Variants in NLGN1 observed in about 807,000 individuals in gnomAD.
The protein encoded by NLGN1 is neuroligin-1.
A neutral mutation model predicts 65.5 loss-of-function variants in NLGN1; 12 were observed. The ratio of observed to expected loss-of-function variants is 0.18; its 90% CI spans 0.12 to 0.30. The LOEUF (loss-of-function observed/expected upper bound fraction) is 0.30. Ranked by LOEUF, NLGN1 falls within the 10% of genes least tolerant of loss-of-function variation. NLGN1 has a pLI of 1.00. For synonymous variants in NLGN1, 350 were observed against 359.5 expected (o/e 0.97, Z 0.30); for missense variants, 750 against 1,007.1 (o/e 0.74, Z 3.46).
chr3:174,217,732 A>G (rs575351725), intron 4 of NLGN1, among the ~76,000 whole-genome samples: 1 of 152,176 alleles, frequency 6.6e-6, no homozygotes, highest in African/African-American at 2.4e-5. Flanking sequence ...TATGAAGTGT[A>G]GGGGCAGGAT....
chr3:174,003,549 C>A (rs1180608733), intron 4 of NLGN1, among the ~76,000 whole-genome samples: 1 of 152,112 alleles, frequency 6.6e-6, no homozygotes, highest in Non-Finnish European at 1.5e-5. Flanking sequence ...TATTCTAAAT[C>A]CTGCTTAGCC....
At chr3:174,032,129 T>C (rs924025770) in intron 4 of NLGN1, among the ~76,000 whole-genome samples, 4 of 152,048 alleles carry the variant, frequency 2.6e-5, no homozygotes, top group African/African-American at 9.7e-5. Flanking sequence ...ACAAAACCTC[T>C]AAAAATGTAA....
chr3:173,408,411 G>A lies in NLGN1; in HGVS notation c.-390+9924G>A, dbSNP rs1404742282. Among the ~76,000 whole-genome samples, 3 of 152,130 alleles carry A rather than the reference G, an allele frequency of 2.0e-5. No individual in the cohort carries two copies. In the South Asian group the frequency reaches 6.2e-4, roughly 32 times the overall value. On this transcript the variant is annotated intron_variant, in intron 1 of 6. Coordinates refer to ENST00000457714, the Ensembl canonical transcript of NLGN1. ...TCTGAGGGGCAATTTCAAGAGAGAT[G>A]TATTCTTCCGTTTCTACTAAATTCT...
chr3:173,629,006 A>G (rs546800378), intron 3 of NLGN1, among the ~76,000 whole-genome samples: 4 of 152,124 alleles, frequency 2.6e-5, no homozygotes, highest in South Asian at 2.1e-4. Flanking sequence ...TATCTCAGTG[A>G]GATCAGAGCA....
At chr3:173,899,271 A>G (rs1245022076) in intron 4 of NLGN1, among the ~76,000 whole-genome samples, 4 of 152,160 alleles carry the variant, frequency 2.6e-5, no homozygotes, top group Non-Finnish European at 5.9e-5. Context: ...AACTTGATAT[A>G]GAGTCAGAGC....
intron 2 of NLGN1, among the ~76,000 whole-genome samples, chr3:173,540,870 C>T (rs574827816): frequency 6.6e-6 from 1 of 152,252 alleles, no homozygotes; most frequent in Admixed American, 6.5e-5. Flanking sequence ...TGTATCTATT[C>T]CTGCTATATC....
At chr3:174,032,638 C>G (rs1334394711) in intron 4 of NLGN1, among the ~76,000 whole-genome samples, 1 of 152,158 alleles carries the variant, frequency 6.6e-6, no homozygotes, top group Non-Finnish European at 1.5e-5. Flanking sequence ...AAGCCCCACA[C>G]TCTCATGGGC....
At chr3:173,781,141 T>C (rs1781080311) in intron 3 of NLGN1, among the ~76,000 whole-genome samples, 1 of 7,624 alleles carries the variant, frequency 1.3e-4, no homozygotes, top group African/African-American at 9.0e-4. Context: ...CGAGACTCCG[T>C]CTCAAAAAAA....
intron 4 of NLGN1, among the ~76,000 whole-genome samples, chr3:173,820,625 A>T (rs1300071638): frequency 6.6e-6 from 1 of 152,142 alleles, no homozygotes; most frequent in African/African-American, 2.4e-5. Flanking sequence ...ATTAACAAAA[A>T]TAATAATAAA....
chr3:173,680,314 T>C (rs1763791434), intron 3 of NLGN1, among the ~76,000 whole-genome samples: 1 of 152,134 alleles, frequency 6.6e-6, no homozygotes, highest in African/African-American at 2.4e-5. Flanking sequence ...ATGTAATTTG[T>C]GCAAAGGTAA....
At chr3:173,762,740 T>C (rs1778165629) in intron 3 of NLGN1, among the ~76,000 whole-genome samples, 1 of 152,020 alleles carries the variant, frequency 6.6e-6, no homozygotes, top group African/African-American at 2.4e-5. Flanking sequence ...AACTTAGACA[T>C]GGAAAGTGAC....
intron 2 of NLGN1, among the ~76,000 whole-genome samples, chr3:173,525,229 T>TG (rs1735433769): frequency 3.2e-5 from 4 of 124,060 alleles, no homozygotes; most frequent in African/African-American, 1.2e-4. Flanking sequence ...TGGGTGGGTT[T>TG]TTTGTTGTTG....
At chr3:173,470,998 G>T (rs1357303207) in intron 2 of NLGN1, among the ~76,000 whole-genome samples, 1 of 152,032 alleles carries the variant, frequency 6.6e-6, no homozygotes, top group African/African-American at 2.4e-5. Flanking sequence ...GTAACTGCTT[G>T]CATGCTCTGG....
chr3:173,954,804 TAAAC>T (rs1711573889), intron 4 of NLGN1, among the ~76,000 whole-genome samples: 1 of 152,124 alleles, frequency 6.6e-6, no homozygotes, highest in South Asian at 2.1e-4. Context: ...AATAGCAACA[TAAAC>T]ATACATATAT....
At chr3:173,434,849 G>A (rs1717817714) in intron 1 of NLGN1, among the ~76,000 whole-genome samples, 1 of 152,218 alleles carries the variant, frequency 6.6e-6, no homozygotes, top group Non-Finnish European at 1.5e-5. Context: ...AAACTCCTAA[G>A]TGTAGCACAT....
chr3:174,262,193 G>A (rs1377502757), intron 4 of NLGN1, among the ~76,000 whole-genome samples: 1 of 110,936 alleles, frequency 9.0e-6, no homozygotes, highest in African/African-American at 4.2e-5. Context: ...AATGATGCTG[G>A]CCTCATAAAA....
intron 4 of NLGN1, among the ~76,000 whole-genome samples, chr3:174,178,508 TC>T (rs1327489244): frequency 3.3e-5 from 5 of 152,054 alleles, no homozygotes; most frequent in African/African-American, 1.2e-4. Context: ...GAGCAGTAAA[TC>T]CGGTGCTTAA....
chr3:173,498,823 C>T (rs944054956), intron 2 of NLGN1, among the ~76,000 whole-genome samples: 1 of 151,854 alleles, frequency 6.6e-6, no homozygotes, highest in Non-Finnish European at 1.5e-5. Context: ...AGCATTTTTT[C>T]ATGTGTCTGT....
intron 2 of NLGN1, among the ~76,000 whole-genome samples, chr3:173,490,669 A>G (rs547174623): frequency 6.1e-4 from 93 of 152,254 alleles, no homozygotes; most frequent in Admixed American, 3.3e-3. Flanking sequence ...CATTGAATCT[A>G]TAAATTACCT....
Sources: allele counts gnomAD v4.1 joint callset (sites outside exome capture counted in the v4.1 genomes callset), GRCh38; gene constraint gnomAD v4.1.1; transcripts MANE v1.5; gene names NCBI Gene and HGNC (gene_info 2026-07-23, HGNC 2026-07-21).